KREMEN1: variants seen among roughly 807,000 people sequenced by gnomAD.
KREMEN1 encodes the protein kremen protein 1.
A neutral mutation model predicts 46.5 loss-of-function variants in KREMEN1; 30 were observed. That is an observed-to-expected ratio of 0.65 (90% CI 0.48 to 0.88). The LOEUF is 0.88. Ranked by LOEUF, KREMEN1 falls within the 40% of genes least tolerant of loss-of-function variation. The pLI, the probability that KREMEN1 is intolerant of heterozygous loss-of-function variation, is 0.00. For missense variants in KREMEN1, 533 were observed against 596.9 expected (o/e 0.89, Z 1.11); for synonymous variants, 214 against 230.6 (o/e 0.93, Z 0.65).
At chr22:29,108,210 C>T (rs538447161) in intron 3 of KREMEN1, among the ~76,000 whole-genome samples, 64 of 152,332 alleles carry the variant, frequency 4.2e-4, no homozygotes, top group Admixed American at 7.2e-4. Flanking sequence ...TCGCTTGAAC[C>T]CAGGAGGCGG....
intron 5 of KREMEN1, among the ~76,000 whole-genome samples, chr22:29,131,718 GTATA>G (rs201767234): frequency 2.4e-5 from 3 of 125,378 alleles, no homozygotes; most frequent in Admixed American, 1.6e-4. Flanking sequence ...ATGTATATAT[GTATA>G]TATATGTATA....
chr22:29,078,418 T>C (rs1258125170), intron 1 of KREMEN1, among the ~76,000 whole-genome samples: 1 of 150,524 alleles, frequency 6.6e-6, no homozygotes, highest in Non-Finnish European at 1.5e-5. Flanking sequence ...CGTTGAGAGA[T>C]CTATTTCTCA....
At chr22:29,104,376 C>T (rs559313765) in intron 3 of KREMEN1, among the ~76,000 whole-genome samples, 2 of 152,160 alleles carry the variant, frequency 1.3e-5, no homozygotes, top group Admixed American at 1.3e-4. Context: ...TAGCCGGTCT[C>T]ATACTCCTGG....
At chr22:29,137,230 A>AT in intron 5 of KREMEN1, 112 bp from the exon 6 acceptor site, 1 of 679,964 alleles carries the variant, frequency 1.5e-6, no homozygotes, top group Non-Finnish European at 2.3e-6. Context: ...AGATAGAAAC[A>AT]ATGTCCTAAA....
chr22:29,112,049 A>C (rs1259714905), intron 3 of KREMEN1, among the ~76,000 whole-genome samples: 1 of 152,134 alleles, frequency 6.6e-6, no homozygotes, highest in Admixed American at 6.5e-5. Flanking sequence ...GACTTTCACT[A>C]TCTGTCTCTG....
At chr22:29,129,208 C>T (rs537703542) in intron 5 of KREMEN1, among the ~76,000 whole-genome samples, 17 of 152,118 alleles carry the variant, frequency 1.1e-4, no homozygotes, top group Admixed American at 1.0e-3. Flanking sequence ...ATCTAGAGGC[C>T]GGCACAGGGG....
chr22:29,094,404 G>A lies in KREMEN1; in HGVS notation c.244G>A (p.Glu82Lys). The A allele has an allele frequency of 1.9e-6, 3 of 1,613,200 alleles. No homozygotes were observed. The South Asian group carries it at 3.3e-5, about 18-fold the overall frequency. The change falls in exon 2 of 9, where the codon GAG becomes AAG. Residue 82 changes from glutamate (E) to lysine (K), a missense_variant. Physicochemically the swap from Glu to Lys is moderately conservative, Grantham distance 56. Transcript: ENST00000400335. The part of the protein sequence containing the change: ...KYPNGEGGLG[E>K]HNYCRNPDGD... ...CCCCAACGGGGAGGGGGGCCTGGGTGAGCACAACTATTGCAGGTAAGATGG... is the reference window on the plus strand; with the variant it reads ...CCCCAACGGGGAGGGGGGCCTGGGTAAGCACAACTATTGCAGGTAAGATGG...
At position 29,097,352 on chromosome 22, in the gene KREMEN1, G is replaced by A. The variant is rs145203065; in HGVS notation, c.261-1510G>A. On this transcript the variant is annotated intron_variant, in intron 2 of 8. Transcript: ENST00000400335. ...TGTTATGCCACCTATGAGTTGAAAA[G>A]ACCTTAAAGCATGTATTTATTCCAG... Among the ~76,000 whole-genome samples the A allele has an allele frequency of 3.1e-3, 465 of 152,300 alleles. 3 individuals carry two copies. Among genetic ancestry groups the A allele is most frequent in the African/African-American group, 0.011 (451 of 41,576 alleles).
rs142635951 is a variant in KREMEN1 at position 29,112,820 on chromosome 22, C to G, written c.353-8537C>G. Among the ~76,000 whole-genome samples the G allele has an allele frequency of 1.7e-3, 254 of 152,284 alleles. 3 individuals carry two copies. Among genetic ancestry groups the G allele is most frequent in the African/African-American group, 5.5e-3 (229 of 41,566 alleles). On this transcript the variant is annotated intron_variant, in intron 3 of 8. Transcript: ENST00000400335. ...TCCTTTTTCAAATTGGCTTTTCCTC[C>G]CTGCTTCTGGGAAGCGCTAAGGGTG...
intron 1 of KREMEN1, among the ~76,000 whole-genome samples, chr22:29,089,179 C>T (rs1414992750): frequency 6.6e-6 from 1 of 152,138 alleles, no homozygotes; most frequent in East Asian, 1.9e-4. Flanking sequence ...ACTCATGTAG[C>T]CATTTGCGTA....
chr22:29,110,943 A>G (rs1396538716), intron 3 of KREMEN1, among the ~76,000 whole-genome samples: 1 of 152,142 alleles, frequency 6.6e-6, no homozygotes, highest in Non-Finnish European at 1.5e-5. Flanking sequence ...TCAGATGTAC[A>G]TAGTTTTTCT....
chr22:29,115,459 C>T (rs1333730055), intron 3 of KREMEN1, among the ~76,000 whole-genome samples: 2 of 151,734 alleles, frequency 1.3e-5, no homozygotes, highest in African/African-American at 4.9e-5. Flanking sequence ...ACCAGAAGTA[C>T]CATTATCCAC....
At chr22:29,095,992 A>G (rs1020738605) in intron 2 of KREMEN1, among the ~76,000 whole-genome samples, 3 of 152,104 alleles carry the variant, frequency 2.0e-5, no homozygotes, top group Admixed American at 6.5e-5. Context: ...GAGACAACCA[A>G]TTTGGGTATT....
At chr22:29,082,511 A>ACTAATGCACCCTGAATG (rs1300043805) in intron 1 of KREMEN1, among the ~76,000 whole-genome samples, 9 of 152,238 alleles carry the variant, frequency 5.9e-5, no homozygotes, top group African/African-American at 1.2e-4. Flanking sequence ...TAGGAGGAAT[A>ACTAATGCACCCTGAATG]CATTGGTGAG....
At chr22:29,148,499 G>T (rs779236079), downstream of KREMEN1, among the ~76,000 whole-genome samples, 8 of 151,766 alleles carry the variant, frequency 5.3e-5, no homozygotes, top group South Asian at 2.1e-4. Flanking sequence ...CATCACCCAG[G>T]ATGGAGTATG....
intron 1 of KREMEN1, among the ~76,000 whole-genome samples, chr22:29,088,739 A>G (rs952412817): frequency 6.6e-6 from 1 of 152,156 alleles, no homozygotes; most frequent in Non-Finnish European, 1.5e-5. Flanking sequence ...AATACCTACT[A>G]TGTACCGAGT....
chr22:29,139,571 C>A (rs1332265730), intron 7 of KREMEN1, among the ~76,000 whole-genome samples: 1 of 151,764 alleles, frequency 6.6e-6, no homozygotes, highest in Admixed American at 6.6e-5. Context: ...CCATTACACT[C>A]CAACCTGGGT....
chr22:29,161,506 C>CAAAA (rs35296953), intron 9 of KREMEN1, among the ~76,000 whole-genome samples: 16 of 63,324 alleles, frequency 2.5e-4, no homozygotes, highest in South Asian at 8.8e-4. Flanking sequence ...GACTCCATCT[C>CAAAA]AAAAAAAAAA....
chr22:29,106,384 C>G (rs2145785124), intron 3 of KREMEN1, among the ~76,000 whole-genome samples: 1 of 148,254 alleles, frequency 6.7e-6, no homozygotes, highest in East Asian at 2.1e-4. Context: ...TCACGCCCAG[C>G]TAATTTTTTT....
Sources: gnomAD v4.1 joint callset for allele counts (sites outside exome capture counted in the v4.1 genomes callset) on GRCh38, gnomAD v4.1.1 for gene constraint, MANE v1.5 for transcripts, NCBI Gene and HGNC (gene_info 2026-07-23, HGNC 2026-07-21) for gene names.